The following PPFIBP2 variants were observed in gnomAD, a reference collection of about 807,000 sequenced individuals.
PPFIBP2 encodes liprin-beta-2.
Under a neutral mutation model 118.3 loss-of-function variants are expected in PPFIBP2, and 118 were observed. The ratio of observed to expected loss-of-function variants is 1.00; its 90% confidence interval spans 0.86 to 1.16. The LOEUF is 1.16. PPFIBP2 is among the 50% of genes most tolerant of loss of function. The pLI is 0.00. For missense variants in PPFIBP2, 1,195 were observed against 1,073.1 expected (o/e 1.11, Z -1.59); for synonymous variants, 414 against 397.4 (o/e 1.04, Z -0.50).
intron 14 of PPFIBP2, among the ~76,000 whole-genome samples, chr11:7,637,776 C>A (rs1252338865): frequency 6.6e-6 from 1 of 152,244 alleles, no homozygotes; most frequent in Admixed American, 6.5e-5. Flanking sequence ...TTGGCCTGAG[C>A]AGAGCTCAGA....
At chr11:7,641,186 C>T (rs1565109136) in intron 15 of PPFIBP2, 1 of 929,536 alleles carries the variant, frequency 1.1e-6, no homozygotes, top group East Asian at 4.4e-5. Context: ...GCATCTCCCT[C>T]TGAGGAAAAA....
At chr11:7,600,725 A>T (rs1031574588) in intron 5 of PPFIBP2, among the ~76,000 whole-genome samples, 8 of 152,178 alleles carry the variant, frequency 5.3e-5, no homozygotes, top group Admixed American at 2.0e-4. Context: ...ATAACCCTGC[A>T]TGCTGGAGAC....
At chr11:7,613,595 G>A (rs61888787) in intron 6 of PPFIBP2, among the ~76,000 whole-genome samples, 16,630 of 152,228 alleles carry the variant, frequency 0.11, 1,021 homozygotes, top group African/African-American at 0.16. Context: ...AGTGATTGAC[G>A]TGGAAAGTAA....
Position 7,616,974 on chromosome 11 carries a change from G to A in PPFIBP2, c.619-3961G>A, listed in dbSNP as rs1299101718. The A allele has an allele frequency of 3.9e-6, 1 of 253,566 alleles. No individual in the cohort carries two copies. The highest frequency in any genetic ancestry group is 6.2e-6 in the Non-Finnish European group (1 of 161,128). The allele number at this position is 253,566 out of a possible 1,614,324, so 15.7% of individuals were successfully genotyped here. ...TTGGTTCTGTTGTGGAAAGTGGAGGGCCGTCGACAGTGACCACTGAGTGCC... is the reference window on the plus strand; with the variant it reads ...TTGGTTCTGTTGTGGAAAGTGGAGGACCGTCGACAGTGACCACTGAGTGCC... On this transcript the variant is annotated intron_variant, in intron 6 of 23. Coordinates refer to ENST00000299492, the MANE Select transcript of PPFIBP2 (RefSeq NM_003621.5). The surrounding 1 kb of genome is among the most constrained non-coding windows in gnomAD (Gnocchi z 5.2).
intron 6 of PPFIBP2, among the ~76,000 whole-genome samples, chr11:7,611,595 T>A (rs1360432156): frequency 6.6e-6 from 1 of 152,216 alleles, no homozygotes. Flanking sequence ...ATGAATCAGA[T>A]CTCCTGGCTT....
chr11:7,586,634 G>A (rs1858255630), intron 3 of PPFIBP2, among the ~76,000 whole-genome samples: 1 of 152,226 alleles, frequency 6.6e-6, no homozygotes, highest in Admixed American at 6.5e-5. Flanking sequence ...ACCTACTTGA[G>A]ATTACACATG....
At chr11:7,665,103 C>G in the PPFIBP2 span, 4 of 281,778 alleles carry the variant, frequency 1.4e-5, no homozygotes, top group Non-Finnish European at 2.7e-5. Flanking sequence ...CATGGGCTGT[C>G]TGCTTTGTAC....
downstream of PPFIBP2, chr11:7,655,508 T>A (rs1434124684): frequency 1.6e-6 from 2 of 1,289,498 alleles, no homozygotes; most frequent in Non-Finnish European, 2.0e-6. Context: ...GGTAGGACTC[T>A]GACCCTCTCC....
chr11:7,544,469 C>T (rs1254864883), intron 1 of PPFIBP2, among the ~76,000 whole-genome samples: 1 of 152,130 alleles, frequency 6.6e-6, no homozygotes, highest in East Asian at 1.9e-4. Context: ...TAGCTCTCCT[C>T]TCATTGCTGG....
At chr11:7,517,913 C>T (rs192751464) in intron 1 of PPFIBP2, among the ~76,000 whole-genome samples, 6 of 152,270 alleles carry the variant, frequency 3.9e-5, no homozygotes, top group East Asian at 1.9e-4. Flanking sequence ...GCTCATAGTC[C>T]GACTTCCAGT....
chr11:7,613,960 A>C (rs867475727), intron 6 of PPFIBP2, among the ~76,000 whole-genome samples: 35 of 152,326 alleles, frequency 2.3e-4, no homozygotes, highest in African/African-American at 8.4e-4. Flanking sequence ...ATCTCACAGC[A>C]CAAGTGATGA....
chr11:7,562,775 G>A lies in PPFIBP2; in HGVS notation c.65-2778G>A, dbSNP rs78249227. ...ATTCTTAAATTTAAAGTCAAGTGGCGTTTGTCATCTGAGGCTTTTCTGTCA... is the reference window on the plus strand; with the variant it reads ...ATTCTTAAATTTAAAGTCAAGTGGCATTTGTCATCTGAGGCTTTTCTGTCA... On this transcript the variant is annotated intron_variant, in intron 2 of 23. Transcript: ENST00000299492. 6.2e-3 allele frequency among the ~76,000 whole-genome samples: 932 copies of A among 150,970 alleles called. 8 individuals are homozygous for A. The highest frequency in any genetic ancestry group is 0.02 in the African/African-American group (817 of 41,138).
downstream of PPFIBP2, among the ~76,000 whole-genome samples, chr11:7,659,458 T>C (rs1433118091): frequency 6.8e-6 from 1 of 146,086 alleles, no homozygotes; most frequent in African/African-American, 2.5e-5. Flanking sequence ...TAGTTGTAGA[T>C]ATGTGGCGTT....
At chr11:7,635,427 A>C (rs983062656) in intron 13 of PPFIBP2, 125 bp from the exon 14 acceptor site, 1 of 861,998 alleles carries the variant, frequency 1.2e-6, no homozygotes, top group Admixed American at 2.0e-5. Context: ...CTTGACATGA[A>C]GATGTGGAGG....
At position 7,651,793 on chromosome 11, in the gene PPFIBP2, G is replaced by T. The variant is rs1381626338; in HGVS notation, c.2385G>T (p.Glu795Asp). 2 of 1,613,750 alleles carry T rather than the reference G, an allele frequency of 1.2e-6. No individual in the cohort carries two copies. The highest frequency in any genetic ancestry group is 4.5e-5 in the East Asian group (2 of 44,876). The change falls in exon 23 of 24, where the codon GAG becomes GAT. Residue 795 changes from glutamate to aspartate, a missense_variant. Transcript: ENST00000299492. ...IGPEAEQEKR[E>D]KMASPAYTPL... ...CGGAGGCTGAACAGGAGAAGCGAGA[G>T]AAAATGGCCTCACCAGCTTACACAC...
chr11:7,563,249 G>A (rs955931104), intron 2 of PPFIBP2, among the ~76,000 whole-genome samples: 3 of 152,108 alleles, frequency 2.0e-5, no homozygotes, highest in Non-Finnish European at 2.9e-5. Flanking sequence ...CATGTGTACA[G>A]AATGGAGAGG....
intron 2 of PPFIBP2, among the ~76,000 whole-genome samples, chr11:7,565,209 G>T (rs1187566623): frequency 1.3e-5 from 2 of 152,140 alleles, no homozygotes; most frequent in African/African-American, 4.8e-5. Context: ...AGATAAAGAT[G>T]ATTTCTGGAA....
intron 1 of PPFIBP2, among the ~76,000 whole-genome samples, chr11:7,541,219 C>A (rs771705107): frequency 3.9e-5 from 6 of 152,210 alleles, no homozygotes; most frequent in Non-Finnish European, 7.3e-5. Flanking sequence ...GGGCCTCTTG[C>A]TTGATTAGTT....
intron 1 of PPFIBP2, among the ~76,000 whole-genome samples, chr11:7,522,842 A>G (rs535570616): frequency 6.6e-5 from 10 of 152,308 alleles, no homozygotes; most frequent in African/African-American, 2.2e-4. Flanking sequence ...ATTATGCTCA[A>G]TGTGGGCACG....
Sources: allele counts gnomAD v4.1 joint callset (sites outside exome capture counted in the v4.1 genomes callset), GRCh38; gene constraint gnomAD v4.1.1; non-coding constraint Gnocchi (gnomAD v3.1); transcripts MANE v1.5; gene names NCBI Gene and HGNC (gene_info 2026-07-23, HGNC 2026-07-21).